AKAP9: variants seen among roughly 807,000 people sequenced by gnomAD.
AKAP9 encodes the protein A-kinase anchoring protein 9.
AKAP9 carries 311 observed loss-of-function variants against 488.5 expected under a neutral mutation model. That is an observed-to-expected ratio of 0.64 (90% CI 0.58 to 0.70). The LOEUF is 0.70. AKAP9 is among the 30% of genes least tolerant of loss of function. The pLI is 0.00. For missense variants in AKAP9, 4,215 were observed against 4,374.5 expected (o/e 0.96, Z 1.03); for synonymous variants, 1,462 against 1,483.5 (o/e 0.99, Z 0.33).
chr7:92,060,059 A>G lies in AKAP9; in HGVS notation c.5602-1201A>G, dbSNP rs546751570. Among the ~76,000 whole-genome samples the G allele has an allele frequency of 2.2e-3, 337 of 152,102 alleles. 2 individuals are homozygous for G. The highest frequency in any genetic ancestry group is 4.2e-3 in the Non-Finnish European group (286 of 67,862). ...AAACAAGAATAATTGCATACTGGATATTTTGGAAATTGATTTAGAGTAGCC... is the reference window on the plus strand; with the variant it reads ...AAACAAGAATAATTGCATACTGGATGTTTTGGAAATTGATTTAGAGTAGCC... On this transcript the variant is annotated intron_variant, in intron 22 of 49. Transcript: ENST00000356239.
chr7:92,007,281 CTTTTTTTTTTTTTTTT>C lies in AKAP9; in HGVS notation c.3318+4060_3318+4075del, dbSNP rs35623219. Among the ~76,000 whole-genome samples the C allele has an allele frequency of 7.1e-5, 6 of 84,122 alleles. No homozygotes were observed. The East Asian group carries it at 1.4e-3, about 20-fold the overall frequency. 55.2% of individuals were successfully genotyped at this position (84,122 alleles called of 152,430 possible). A position where few individuals can be genotyped will look rare whatever the true frequency, so the allele number is the denominator to read the frequency against. ...AAAATTAAGCATGAGAACTGAAATT[CTTTTTTTTTTTTTTTT>C]TTTTTTTTTTTTTGAGACAGAGTCT... On this transcript the variant is annotated intron_variant, in intron 8 of 49. Transcript: ENST00000356239.
chr7:92,077,371 G>A (rs1003268193), intron 29 of AKAP9, among the ~76,000 whole-genome samples: 21 of 151,866 alleles, frequency 1.4e-4, no homozygotes, highest in Admixed American at 2.6e-4. Flanking sequence ...GATTACAGGC[G>A]TGAGCCACCA....
rs763177369 is a variant in AKAP9, at chr7:92,110,488, G to A, written c.*329G>A. On this transcript the variant is annotated 3_prime_UTR_variant, in exon 50 of 50. Coordinates refer to ENST00000356239, the MANE Select transcript of AKAP9 (RefSeq NM_005751.5). ...TACAATACTGCTGAATGTGTAGCTC[G>A]AGGTGTCCTGCACTTTTCTTATAAG... The A allele has an allele frequency of 2.3e-4, 65 of 288,584 alleles. No individual in the cohort carries two copies. The highest frequency in any genetic ancestry group is 1.3e-3 in the African/African-American group (40 of 31,002). 17.9% of individuals were successfully genotyped at this position (288,584 alleles called of 1,614,324 possible).
chr7:92,017,322 TAA>T (rs1420372998), intron 12 of AKAP9, among the ~76,000 whole-genome samples: 13 of 152,214 alleles, frequency 8.5e-5, no homozygotes, highest in Admixed American at 5.9e-4. Flanking sequence ...AGAATTATGA[TAA>T]GTTAAAATAT....
At position 92,002,069 on chromosome 7, in the gene AKAP9, ACT is replaced by A; in HGVS notation, c.2155_2156del (p.Leu719SerfsTer4). On this transcript the variant is annotated frameshift_variant, in exon 8 of 50. Coordinates refer to ENST00000356239, the MANE Select transcript of AKAP9 (RefSeq NM_005751.5). LOFTEE classifies it high-confidence loss of function. The part of the protein sequence containing the change: ...SLVNSKSEEM[T>X]LQINELQKEI... ...TGTAAATTCAAAGTCAGAAGAAATG[ACT>A]CTTCAAATCAATGAACTTCAAAAAG... The A allele has an allele frequency of 6.2e-7, 1 of 1,600,130 alleles. No homozygotes were observed. Among genetic ancestry groups the A allele is most frequent in the Non-Finnish European group, 8.5e-7 (1 of 1,176,100 alleles).
chr7:92,073,131 G>A (rs904379584), intron 28 of AKAP9, among the ~76,000 whole-genome samples: 2 of 152,180 alleles, frequency 1.3e-5, no homozygotes, highest in Middle Eastern at 3.4e-3. Flanking sequence ...AAAACTAGCG[G>A]TGGACGTCAA....
chr7:92,019,934 A>G (rs1056787130), intron 12 of AKAP9, among the ~76,000 whole-genome samples: 1 of 152,022 alleles, frequency 6.6e-6, no homozygotes, highest in Non-Finnish European at 1.5e-5. Context: ...GAATTGCTTG[A>G]ACCCAGAAGG....
At position 91,994,696 on chromosome 7, in the gene AKAP9, A is replaced by G; in HGVS notation, c.652A>G (p.Arg218Gly). 1.2e-6 allele frequency: 2 copies of G among 1,613,472 alleles called. No homozygotes were observed. The highest frequency in any genetic ancestry group is 2.2e-5 in the East Asian group (1 of 44,746). ...TQLTANLQQA[R>G]REKDETMREF... ...GCTCACTGCTAATTTACAACAAGCA[A>G]GAAGAGAAAAGGATGAGACAATGAG... is the stretch of plus-strand genomic sequence containing the variant. The change falls in exon 6 of 50, where the codon AGA (arginine) becomes GGA (glycine). Residue 218 changes from arginine (R) to glycine (G), a missense_variant. Physicochemically the swap from Arg to Gly is moderately radical, Grantham distance 125 (BLOSUM62 -2). This residue lies in a region of AKAP9 where 2,361 missense variants were observed against 2,430.0 expected (regional missense o/e 0.97). Coordinates refer to ENST00000356239, the MANE Select transcript of AKAP9 (RefSeq NM_005751.5).
chr7:92,030,640 CAA>C lies in AKAP9; in HGVS notation c.4245+665_4245+666del, dbSNP rs60461811. Among the ~76,000 whole-genome samples, 127 of 49,116 alleles carry C rather than the reference CAA, an allele frequency of 2.6e-3. 1 individual carries two copies. Among genetic ancestry groups the C allele is most frequent in the African/African-American group, 5.1e-3 (96 of 18,700 alleles). 32.2% of individuals were successfully genotyped at this position (49,116 alleles called of 152,430 possible). On this transcript the variant is annotated intron_variant, in intron 15 of 49. Coordinates refer to ENST00000356239, the MANE Select transcript of AKAP9 (RefSeq NM_005751.5). The stretch of plus-strand genomic sequence containing the variant: ...CTGGGCGACAGAACAAGACTGTCGC[CAA>C]AAAAAAAAAAAAAAAGGGTTTAGGA...
At chr7:92,063,449 T>TCA in intron 24 of AKAP9, 1 of 965,592 alleles carries the variant, frequency 1.0e-6, no homozygotes, top group Non-Finnish European at 1.2e-6. Context: ...TTTTTTTTTC[T>TCA]CTATTTTCCT....
intron 21 of AKAP9, among the ~76,000 whole-genome samples, chr7:92,046,772 T>G (rs2130793422): frequency 6.6e-6 from 1 of 152,332 alleles, no homozygotes; most frequent in East Asian, 1.9e-4. Flanking sequence ...CAAATTATGC[T>G]TTTTAAAAAA....
chr7:91,957,908 T>C (rs1793242891), intron 1 of AKAP9, among the ~76,000 whole-genome samples: 1 of 152,212 alleles, frequency 6.6e-6, no homozygotes, highest in Non-Finnish European at 1.5e-5. Context: ...AAAAAAATAC[T>C]GCCCCTGTGC....
Position 92,012,579 on chromosome 7 carries a change from A to G in AKAP9, c.3469A>G (p.Lys1157Glu), listed in dbSNP as rs372572545. The change falls in exon 9 of 50, where the codon AAG becomes GAG. Residue 1157 changes from lysine to glutamate, a missense_variant. Lys to Glu is a moderately conservative substitution (Grantham distance 56). This residue lies in a region of AKAP9 where 2,361 missense variants were observed against 2,430.0 expected (regional missense o/e 0.97). Transcript: ENST00000356239. ...KEELIFAQEE[K>E]IKELQKIHQL... ...AGAGCTTATTTTTGCTCAAGAGGAA[A>G]AGATCAAGGAACTTCAGAAAATACA... The G allele has an allele frequency of 3.7e-5, 60 of 1,613,564 alleles. No individual in the cohort carries two copies. Among genetic ancestry groups the G allele is most frequent in the Middle Eastern group, 3.3e-4 (2 of 6,078 alleles).
In AKAP9 at chr7:92,020,773, C is replaced by T. The variant is rs182587298; in HGVS notation, c.3838-1465C>T. ...TTGGACTGGAAACTTAATAATTTAC[C>T]TGATGATCTTTATTTTCCCTGGGAA... On this transcript the variant is annotated intron_variant, in intron 12 of 49. Coordinates refer to ENST00000356239, the MANE Select transcript of AKAP9 (RefSeq NM_005751.5). Among the ~76,000 whole-genome samples the T allele has an allele frequency of 4.6e-5, 7 of 152,268 alleles. 1 individual carries two copies. In the East Asian group the frequency reaches 7.7e-4, roughly 17 times the overall value.
At chr7:92,028,024 T>A (rs949923014) in intron 14 of AKAP9, among the ~76,000 whole-genome samples, 2 of 152,136 alleles carry the variant, frequency 1.3e-5, no homozygotes, top group African/African-American at 4.8e-5. Flanking sequence ...ACATGTGCTG[T>A]GTCAACTCAG....
At chr7:91,983,694 T>C (rs1041818800) in intron 3 of AKAP9, among the ~76,000 whole-genome samples, 2 of 152,192 alleles carry the variant, frequency 1.3e-5, no homozygotes, top group Non-Finnish European at 2.9e-5. Flanking sequence ...GTATTTTTGT[T>C]AGAGATAGGG....
rs574683571 is a variant in AKAP9, at chr7:92,062,410, G to A, written c.5901G>A (p.Gln1967=). Residue 1967 remains glutamine, a synonymous_variant, in exon 24 of 50, where the codon CAG becomes CAA. Coordinates refer to ENST00000356239, the MANE Select transcript of AKAP9 (RefSeq NM_005751.5). ...NRLQELEAEQ[Q]QIQEERELLS... ...TGCAAGAATTGGAGGCAGAGCAACA[G>A]CAGATCCAAGAAGAAAGAGAATTAC... is the stretch of plus-strand genomic sequence containing the variant. The A allele has an allele frequency of 8.9e-5, 144 of 1,613,906 alleles. No individual in the cohort carries two copies. The South Asian group carries it at 1.5e-3, about 17-fold the overall frequency.
chr7:92,100,870 A>G lies in AKAP9; in HGVS notation c.10911A>G (p.Ser3637=), dbSNP rs376607959. The G allele has an allele frequency of 5.0e-6, 8 of 1,614,184 alleles. No homozygotes were observed. The highest frequency in any genetic ancestry group is 6.8e-6 in the Non-Finnish European group (8 of 1,180,026). The change falls in exon 45 of 50, where the codon TCA becomes TCG. Residue 3637 remains serine, a synonymous_variant. Coordinates refer to ENST00000356239, the MANE Select transcript of AKAP9 (RefSeq NM_005751.5). ...GAGRDNSSRF[S]LNGGANIEAI... is the part of the protein sequence containing the mutation. ...GGTCTTTGCAGTCTTCCAGGTTTTC[A>G]TTGAATGGTGGTGCCAACATTGAAG...
chr7:91,984,845 A>G (rs1162444175), intron 3 of AKAP9, among the ~76,000 whole-genome samples: 1 of 152,112 alleles, frequency 6.6e-6, no homozygotes, highest in Non-Finnish European at 1.5e-5. Context: ...GAGGTCCTTC[A>G]CATCCCTTGT....
Sources: allele counts gnomAD v4.1 joint callset (sites outside exome capture counted in the v4.1 genomes callset), GRCh38; gene constraint gnomAD v4.1.1; regional missense constraint gnomAD v4.1.1; transcripts MANE v1.5; gene names NCBI Gene and HGNC (gene_info 2026-07-23, HGNC 2026-07-21).